Variants in IRAK3 observed in about 807,000 individuals in gnomAD.
The protein encoded by IRAK3 is interleukin 1 receptor associated kinase 3, also known as interleukin-1 receptor-associated kinase 3.
Under a neutral mutation model 56.6 loss-of-function variants are expected in IRAK3, and 57 were observed. The ratio of observed to expected loss-of-function variants is 1.01; its 90% CI spans 0.81 to 1.26. The LOEUF is 1.26. IRAK3 is among the 50% of genes most tolerant of loss of function. The pLI, the probability that IRAK3 is intolerant of heterozygous loss-of-function variation, is 0.00. For missense variants in IRAK3, 703 were observed against 719.0 expected, an observed-to-expected ratio of 0.98 and a Z score of 0.25; for synonymous variants, 258 against 255.7, an observed-to-expected ratio of 1.01 and a Z score of -0.09.
intron 6 of IRAK3, among the ~76,000 whole-genome samples, chr12:66,219,046 G>A (rs2576186): frequency 0.62 from 94,426 of 151,232 alleles, 29,739 homozygotes; most frequent in Admixed American, 0.68. Context: ...GTGTGTGTGT[G>A]TGTATGTGTG....
chr12:66,204,547 T>G (rs2052538829), intron 2 of IRAK3, among the ~76,000 whole-genome samples: 1 of 152,196 alleles, frequency 6.6e-6, no homozygotes, highest in Non-Finnish European at 1.5e-5. Context: ...CTCCATTTAT[T>G]CTTTGTCAGT....
Position 66,251,236 on chromosome 12 carries a change from G to C in IRAK3, c.*3065G>C, listed in dbSNP as rs1413427533. 2 of 152,224 alleles carry C rather than the reference G, an allele frequency of 1.3e-5. No individual in the cohort carries two copies. The highest frequency in any genetic ancestry group is 1.3e-4 in the Admixed American group (2 of 15,286). 9.4% of individuals were successfully genotyped at this position (152,224 alleles called of 1,614,324 possible). A position where few individuals can be genotyped will look rare whatever the true frequency, so the allele number is the denominator to read the frequency against. ...GGTAAGCAGATGCCACTGTGGCTGG[G>C]AAGTACCAAATCTTCTGTTGAGTGA... On this transcript the variant is annotated 3_prime_UTR_variant, in exon 12 of 12. Coordinates refer to ENST00000261233, the MANE Select transcript of IRAK3 (RefSeq NM_007199.3).
chr12:66,223,084 G>A (rs2052751385), intron 6 of IRAK3, among the ~76,000 whole-genome samples: 1 of 152,158 alleles, frequency 6.6e-6, no homozygotes, highest in Non-Finnish European at 1.5e-5. Flanking sequence ...GCCAGGATGA[G>A]CCAGGAGAAG....
intron 8 of IRAK3, among the ~76,000 whole-genome samples, chr12:66,242,137 C>A (rs2052976415): frequency 6.6e-6 from 1 of 152,072 alleles, no homozygotes; most frequent in Non-Finnish European, 1.5e-5. Flanking sequence ...TCAGAACATT[C>A]CCACCCTCCC....
chr12:66,191,659 A>G (rs2052401012), intron 1 of IRAK3, among the ~76,000 whole-genome samples: 1 of 152,192 alleles, frequency 6.6e-6, no homozygotes, highest in African/African-American at 2.4e-5. Flanking sequence ...AGCCCAGTTC[A>G]GGGTGTTGAG....
intron 8 of IRAK3, chr12:66,234,613 T>A: frequency 6.2e-7 from 1 of 1,611,706 alleles, no homozygotes; most frequent in Non-Finnish European, 8.5e-7. Flanking sequence ...TCTTTTTCTG[T>A]CCTCCATCAG....
At chr12:66,228,112 T>C in intron 7 of IRAK3, 140 bp from the exon 8 acceptor site, 18 of 743,652 alleles carry the variant, frequency 2.4e-5, no homozygotes, top group Admixed American at 5.4e-5. Context: ...AAAAATAGGT[T>C]TTGGAAAACC....
Position 66,226,747 on chromosome 12 carries a change from G to A in IRAK3, c.678G>A (p.Glu226=). ...LLLFHHPNIL[E]LAAYFTETEK... is the part of the protein sequence containing the mutation. ...GGTTTCATCACCCAAACATACTAGA[G>A]TTGGCTGCATATTTTACAGAGACTG... The change falls in exon 7 of 12, where the codon GAG becomes GAA. Residue 226 remains glutamate (E), a synonymous_variant. Transcript: ENST00000261233. The A allele has an allele frequency of 6.2e-7, 1 of 1,607,380 alleles. No individual in the cohort carries two copies. The highest frequency in any genetic ancestry group is 8.5e-7 in the Non-Finnish European group (1 of 1,173,850).
rs2053113139 is a variant in IRAK3 at position 66,252,761 on chromosome 12, G to A, written c.*4590G>A. The A allele has an allele frequency of 6.6e-6, 1 of 152,180 alleles. No homozygotes were observed. Among genetic ancestry groups the A allele is most frequent in the Non-Finnish European group, 1.5e-5 (1 of 68,064 alleles). 9.4% of individuals were successfully genotyped at this position (152,180 alleles called of 1,614,324 possible). A position where few individuals can be genotyped will look rare whatever the true frequency, so the allele number is the denominator to read the frequency against. ...ATGGGTTCAGAGAGGTTTTCTCCTT[G>A]TCCTGTTGTGTAACTGATAATCCCA... On this transcript the variant is annotated 3_prime_UTR_variant, in exon 12 of 12. Coordinates refer to ENST00000261233, the MANE Select transcript of IRAK3 (RefSeq NM_007199.3).
In IRAK3 at chr12:66,252,670, G is replaced by A. The variant is rs190923918; in HGVS notation, c.*4499G>A. 12 of 152,342 alleles carry A rather than the reference G, an allele frequency of 7.9e-5. No homozygotes were observed. The East Asian group carries it at 2.3e-3, about 29-fold the overall frequency. 9.4% of individuals were successfully genotyped at this position (152,342 alleles called of 1,614,324 possible). On this transcript the variant is annotated 3_prime_UTR_variant, in exon 12 of 12. Transcript: ENST00000261233. The stretch of plus-strand genomic sequence containing the variant: ...CTCACTGCCCTCATGGAGCTTATAT[G>A]TAAGTGAATAAATCTCAGGGTGGTT...
At position 66,228,382 on chromosome 12, in the gene IRAK3, C is replaced by T. The variant is rs369846983; in HGVS notation, c.887+12C>T. The T allele has an allele frequency of 1.0e-5, 16 of 1,585,674 alleles. No individual in the cohort carries two copies. Among genetic ancestry groups the T allele is most frequent in the South Asian group, 2.2e-5 (2 of 90,506 alleles). ...GGCAGTATATCAAGGTAAATTATTC[C>T]AGAGCTTTTGGTTATACCTGAAAGC... On this transcript the variant is annotated intron_variant, in intron 8 of 11. Coordinates refer to ENST00000261233, the MANE Select transcript of IRAK3 (RefSeq NM_007199.3).
At position 66,250,118 on chromosome 12, in the gene IRAK3, C is replaced by T. The variant is rs978609834; in HGVS notation, c.*1947C>T. 3 of 151,954 alleles carry T rather than the reference C, an allele frequency of 2.0e-5. No homozygotes were observed. Among genetic ancestry groups the T allele is most frequent in the African/African-American group, 2.4e-5 (1 of 41,372 alleles). 9.4% of individuals were successfully genotyped at this position (151,954 alleles called of 1,614,324 possible). On this transcript the variant is annotated 3_prime_UTR_variant, in exon 12 of 12. Transcript: ENST00000261233. ...ATAATTCAGCTATAATAAACATTGC[C>T]GAATAAATTAACAAAGGGAGGATAA...
intron 1 of IRAK3, among the ~76,000 whole-genome samples, chr12:66,196,090 A>G (rs541295720): frequency 6.6e-6 from 1 of 152,116 alleles, no homozygotes; most frequent in African/African-American, 2.4e-5. Flanking sequence ...TATATAAAAT[A>G]AACTATATAT....
At chr12:66,203,929 G>A in intron 2 of IRAK3, 36 bp downstream of exon 2, 1 of 1,521,874 alleles carries the variant, frequency 6.6e-7, no homozygotes, top group Non-Finnish European at 9.1e-7. Flanking sequence ...CTCTTAATCT[G>A]TAATAGGAAC....
chr12:66,189,259 C>T lies in IRAK3; in HGVS notation c.-41C>T. ...ACGGCCTGTCGCAGGCGTGCAGGGA[C>T]CTGGACTCCGCCTCGTCCCCGGGGC... On this transcript the variant is annotated 5_prime_UTR_variant, in exon 1 of 12. Coordinates refer to ENST00000261233, the MANE Select transcript of IRAK3 (RefSeq NM_007199.3). 2 of 1,533,778 alleles carry T rather than the reference C, an allele frequency of 1.3e-6. No homozygotes were observed. The highest frequency in any genetic ancestry group is 1.7e-6 in the Non-Finnish European group (2 of 1,145,810).
At chr12:66,211,802 G>A (rs2052614776) in intron 5 of IRAK3, among the ~76,000 whole-genome samples, 2 of 152,166 alleles carry the variant, frequency 1.3e-5, no homozygotes, top group South Asian at 2.1e-4. Flanking sequence ...TCCATCCCCA[G>A]ATGTTATAGC....
At chr12:66,247,584 T>G in intron 11 of IRAK3, 111 bp from the exon 12 acceptor site, 1 of 753,040 alleles carries the variant, frequency 1.3e-6, no homozygotes. Context: ...ATTCTATAGC[T>G]GAACTAATTT....
chr12:66,210,035 G>T, intron 3 of IRAK3, 112 bp from the exon 4 acceptor site: 2 of 691,230 alleles, frequency 2.9e-6, no homozygotes, highest in South Asian at 3.5e-5. Flanking sequence ...TTTAAATTAG[G>T]TTGCACTCTG....
intron 5 of IRAK3, among the ~76,000 whole-genome samples, chr12:66,216,362 T>C (rs769269584): frequency 1.2e-4 from 18 of 152,338 alleles, no homozygotes; most frequent in Admixed American, 2.0e-4. Context: ...GACTTCCTAG[T>C]TCAACTTGGA....
Sources: allele counts gnomAD v4.1 joint callset (sites outside exome capture counted in the v4.1 genomes callset), GRCh38; gene constraint gnomAD v4.1.1; transcripts MANE v1.5; gene names NCBI Gene and HGNC (gene_info 2026-07-23, HGNC 2026-07-21).